Variants in PLA2G4D observed in about 807,000 individuals in gnomAD.
PLA2G4D encodes the protein phospholipase A2 group IVD.
PLA2G4D carries 80 observed loss-of-function variants against 94.4 expected under a neutral mutation model. The observed-to-expected ratio is 0.85, with a 90% confidence interval of 0.71 to 1.02. PLA2G4D has a LOEUF of 1.02. Among genes scored for constraint, PLA2G4D ranks in the 50% least tolerant of loss-of-function variants. The pLI is 0.00. For synonymous variants in PLA2G4D, 438 were observed against 440.9 expected, an observed-to-expected ratio of 0.99 and a Z score of 0.08; for missense variants, 1,050 against 1,034.7, an observed-to-expected ratio of 1.01 and a Z score of -0.20.
intron 13 of PLA2G4D, among the ~76,000 whole-genome samples, chr15:42,073,668 G>A (rs1668574): frequency 0.089 from 13,594 of 152,216 alleles, 660 homozygotes; most frequent in South Asian, 0.18. Context: ...ACACGTGAGA[G>A]CATGTGAAGC....
chr15:42,094,509 C>T lies in PLA2G4D; in HGVS notation c.-50G>A. The T allele has an allele frequency of 6.2e-7, 1 of 1,611,628 alleles. No individual in the cohort carries two copies. The highest frequency in any genetic ancestry group is 8.5e-7 in the Non-Finnish European group (1 of 1,178,102). On this transcript the variant is annotated 5_prime_UTR_variant, in exon 1 of 20. Transcript: ENST00000290472. ...GGCCCAGCCCTTGCCAAGATGCTGG[C>T]TCTCTGGCTGAGTGGCAGCGACGGT...
intron 11 of PLA2G4D, 86 bp from the exon 12 acceptor site, chr15:42,081,219 C>T (rs1029550996): frequency 9.2e-5 from 142 of 1,547,638 alleles, no homozygotes; most frequent in Non-Finnish European, 1.2e-4. Context: ...CGCTCCTTGT[C>T]TCCAGGGAAG....
At chr15:42,092,102 C>T (rs1006531146) in intron 1 of PLA2G4D, among the ~76,000 whole-genome samples, 33 of 152,160 alleles carry the variant, frequency 2.2e-4, no homozygotes, top group East Asian at 7.7e-4. Context: ...TAAACTCTCT[C>T]GTCACCGCAC....
chr15:42,086,996 G>A (rs4923928), intron 3 of PLA2G4D, among the ~76,000 whole-genome samples: 11,485 of 152,150 alleles, frequency 0.075, 548 homozygotes, highest in Middle Eastern at 0.14. Context: ...GGTCTTCCAC[G>A]CATTATCTCA....
In PLA2G4D at chr15:42,067,530, T is replaced by C. The variant is rs1473485925; in HGVS notation, c.*1185A>G. ...ACTTGGCCTGGGTGACAGAGTGTGA[T>C]GAGATTCTGTCTCAAAAAAAAAAAA... On this transcript the variant is annotated 3_prime_UTR_variant, in exon 20 of 20. Transcript: ENST00000290472. The C allele has an allele frequency of 7.7e-6, 1 of 129,220 alleles. No individual in the cohort carries two copies. Among genetic ancestry groups the C allele is most frequent in the African/African-American group, 2.9e-5 (1 of 34,744 alleles). The allele number at this position is 129,220 out of a possible 1,614,324, so 8.0% of individuals were successfully genotyped here. A position where few individuals can be genotyped will look rare whatever the true frequency, so the allele number is the denominator to read the frequency against.
At chr15:42,087,595 G>C (rs1050587333) in intron 2 of PLA2G4D, 33 bp downstream of exon 2, 1 of 1,613,438 alleles carries the variant, frequency 6.2e-7, no homozygotes, top group Non-Finnish European at 8.5e-7. Context: ...GGTCCTCCCT[G>C]CTCCCGACAG....
chr15:42,070,437 C>A, intron 18 of PLA2G4D: 1 of 525,350 alleles, frequency 1.9e-6, no homozygotes, highest in African/African-American at 1.9e-5. Flanking sequence ...GGGGGATGGA[C>A]ATGGAGATGC....
At chr15:42,072,536 C>T (rs1448040068) in intron 13 of PLA2G4D, 144 bp from the exon 14 acceptor site, 10 of 666,988 alleles carry the variant, frequency 1.5e-5, no homozygotes, top group Non-Finnish European at 2.6e-5. Context: ...ATATGTGGGT[C>T]AGTTCCCACT....
At chr15:42,071,952 G>A (rs1889832078) in intron 14 of PLA2G4D, 41 bp from the exon 15 acceptor site, 2 of 1,602,696 alleles carry the variant, frequency 1.2e-6, no homozygotes, top group East Asian at 4.5e-5. Context: ...TGAGGGGAGT[G>A]GATTGCGGGA....
At chr15:42,081,380 C>T (rs1890035344) in intron 11 of PLA2G4D, 99 bp downstream of exon 11, 2 of 1,530,380 alleles carry the variant, frequency 1.3e-6, no homozygotes. Context: ...CACATGCCCA[C>T]TCTCCACTGA....
In PLA2G4D at chr15:42,081,787, T is replaced by C. The variant is rs1279001848; in HGVS notation, c.821+10A>G. 6.2e-7 allele frequency: 1 copy of C among 1,614,048 alleles called. No individual in the cohort carries two copies. Among genetic ancestry groups the C allele is most frequent in the Non-Finnish European group, 8.5e-7 (1 of 1,180,026 alleles). On this transcript the variant is annotated intron_variant, in intron 10 of 19. Transcript: ENST00000290472. Reference sequence around the variant, plus strand: ...CTCTCACTGTCCCCACAGATGTGAATGTCCCTTACCAGCCCTCTGCCTTGA... The same window carrying C: ...CTCTCACTGTCCCCACAGATGTGAACGTCCCTTACCAGCCCTCTGCCTTGA...
intron 1 of PLA2G4D, 85 bp from the exon 2 acceptor site, chr15:42,087,785 A>T: frequency 7.3e-7 from 1 of 1,375,498 alleles, no homozygotes; most frequent in Non-Finnish European, 1.0e-6. Context: ...GACACCCCTC[A>T]CCACTCTCCT....
At position 42,069,912 on chromosome 15, in the gene PLA2G4D, G is replaced by A. The variant is rs1203494992; in HGVS notation, c.2227C>T (p.Pro743Ser). The A allele has an allele frequency of 2.1e-6, 3 of 1,419,650 alleles. No homozygotes were observed. The highest frequency in any genetic ancestry group is 2.8e-6 in the Non-Finnish European group (3 of 1,086,796). The allele number at this position is 1,419,650 out of a possible 1,614,324, so 87.9% of individuals were successfully genotyped here. ...VNASFKDHSA[P>S]GVQRSPAELQ... is the part of the protein sequence containing the mutation. ...TGCTTGGGAGGGGCTGCCTCACCGG[G>A]GGCTGAGTGGTCCTTGAAGGAGGCA... Residue 743 changes from proline to serine, a missense_variant, in exon 19 of 20, where the codon CCC becomes TCC. Transcript: ENST00000290472.
intron 19 of PLA2G4D, 136 bp from the exon 20 acceptor site, chr15:42,069,077 T>A: frequency 1.4e-6 from 1 of 706,488 alleles, no homozygotes; most frequent in Non-Finnish European, 2.3e-6. Flanking sequence ...TGCCCAGGAA[T>A]GTAAATGTGG....
chr15:42,083,453 A>G, intron 7 of PLA2G4D, 119 bp from the exon 8 acceptor site: 1 of 1,438,408 alleles, frequency 7.0e-7, no homozygotes, highest in Non-Finnish European at 9.3e-7. Flanking sequence ...GCCATCGTCA[A>G]CAGCATTCTG....
rs922696802 is a variant in PLA2G4D at position 42,091,474 on chromosome 15, G to A, written c.45+2941C>T. 6.6e-5 allele frequency among the ~76,000 whole-genome samples: 10 copies of A among 152,252 alleles called. 1 individual carries two copies. In the South Asian group the frequency reaches 1.0e-3, roughly 16 times the overall value. ...CACCAGAAGGGCTCCTTGGTCTAGC[G>A]GTGACGCCAGCGTCTGGGAAGATGC... On this transcript the variant is annotated intron_variant, in intron 1 of 19. Transcript: ENST00000290472.
intron 1 of PLA2G4D, among the ~76,000 whole-genome samples, chr15:42,089,177 A>C (rs1890208561): frequency 6.6e-6 from 1 of 152,074 alleles, no homozygotes; most frequent in Non-Finnish European, 1.5e-5. Flanking sequence ...GTTGTGATAA[A>C]ACCAGAGGTG....
chr15:42,083,485 A>C (rs78313382), intron 7 of PLA2G4D, 151 bp from the exon 8 acceptor site: 145,663 of 1,292,022 alleles, frequency 0.11, 9,295 homozygotes, highest in African/African-American at 0.18. Flanking sequence ...TCCCAGCCCA[A>C]GGGGCCCCAC....
chr15:42,069,845 G>A (rs188374076), intron 19 of PLA2G4D, 64 bp downstream of exon 19: 25 of 1,260,926 alleles, frequency 2.0e-5, no homozygotes, highest in Non-Finnish European at 2.4e-5. Context: ...CTGGGCAGCC[G>A]GGGGGCCCAG....
Sources: gnomAD v4.1 joint callset for allele counts (sites outside exome capture counted in the v4.1 genomes callset) on GRCh38, gnomAD v4.1.1 for gene constraint, MANE v1.5 for transcripts, NCBI Gene and HGNC (gene_info 2026-07-23, HGNC 2026-07-21) for gene names.